Variants in LRRC31 observed in about 807,000 individuals in gnomAD.
LRRC31 encodes leucine rich repeat containing 31, also known as leucine-rich repeat-containing protein 31.
Under a neutral mutation model 46.7 loss-of-function variants are expected in LRRC31, and 35 were observed. The observed-to-expected ratio is 0.75, with a 90% CI of 0.57 to 0.99. The LOEUF is 0.99. LRRC31 is among the 50% of genes least tolerant of loss of function. The probability of loss-of-function intolerance (pLI) is 0.00; values close to 1 mark genes in which losing one functional copy is unlikely to be tolerated. For synonymous variants in LRRC31, 236 were observed against 235.1 expected (o/e 1.00, Z -0.03); for missense variants, 613 against 626.1 (o/e 0.98, Z 0.22).
intron 3 of LRRC31, among the ~76,000 whole-genome samples, chr3:169,858,531 AAAG>A (rs1781040328): frequency 6.6e-6 from 1 of 152,236 alleles, no homozygotes; most frequent in African/African-American, 2.4e-5. Context: ...CAGAATGGAG[AAAG>A]AAGGACTATC....
At chr3:169,865,237 A>G (rs1295265543) in intron 1 of LRRC31, among the ~76,000 whole-genome samples, 1 of 147,638 alleles carries the variant, frequency 6.8e-6, no homozygotes, top group Non-Finnish European at 1.5e-5. Context: ...GCGACAGAGT[A>G]AGGCTCTATC....
At chr3:169,847,989 T>C in intron 8 of LRRC31, 131 bp downstream of exon 8, 1 of 792,712 alleles carries the variant, frequency 1.3e-6, no homozygotes, top group South Asian at 2.0e-5. Context: ...CAGATGTTGG[T>C]GAGAAGGGAA....
In LRRC31 at chr3:169,860,654, G is replaced by A; in HGVS notation, c.394C>T (p.Leu132Phe). Residue 132 changes from leucine (L) to phenylalanine (F), a missense_variant, in exon 3 of 9, where the codon CTT becomes TTT. Leu to Phe is a conservative substitution (Grantham distance 22). Coordinates refer to ENST00000316428, the MANE Select transcript of LRRC31 (RefSeq NM_024727.4). Reference protein sequence around the residue: ...SWNGFVGGTLLSITQQMHLVS... With the variant: ...SWNGFVGGTLFSITQQMHLVS... ...AGATGCATTTGCTGAGTGATGGAAA[G>A]GAGGGTTCCACCTACAAAACCATTC... 6.2e-7 allele frequency: 1 copy of A among 1,614,154 alleles called. No individual in the cohort carries two copies. The highest frequency in any genetic ancestry group is 8.5e-7 in the Non-Finnish European group (1 of 1,180,004).
At chr3:169,852,165 G>A (rs1002698184) in intron 6 of LRRC31, among the ~76,000 whole-genome samples, 2 of 151,702 alleles carry the variant, frequency 1.3e-5, no homozygotes, top group Admixed American at 1.3e-4. Context: ...TTGGGAGGCT[G>A]AGGCGGGTGG....
intron 1 of LRRC31, among the ~76,000 whole-genome samples, chr3:169,865,675 G>C (rs941648921): frequency 6.6e-6 from 1 of 152,192 alleles, no homozygotes; most frequent in Non-Finnish European, 1.5e-5. Context: ...ATGAGAAGTG[G>C]AGGCACGCAG....
rs531114825 is a variant in LRRC31 at position 169,847,049 on chromosome 3, C to T, written c.1327+1071G>A. On this transcript the variant is annotated intron_variant, in intron 8 of 8. Transcript: ENST00000316428. ...ACTGTTCTGGCCCTTCATTGGGAGG[C>T]GCGCTCATTGCTTTGGAATTCCGGC... Among the ~76,000 whole-genome samples the T allele has an allele frequency of 3.2e-3, 489 of 152,220 alleles. 5 individuals carry two copies. The highest frequency in any genetic ancestry group is 5.2e-3 in the Non-Finnish European group (356 of 68,012).
chr3:169,860,564 G>A lies in LRRC31; in HGVS notation c.484C>T (p.Leu162=), dbSNP rs1781120395. The part of the protein sequence containing the change: ...CRLTTDDVQA[L]GEAFEMIPEL... ...TTAAGAAATGCATTCATCATACCCA[G>A]TGCTTGAACATCGTCAGTGGTGAGT... is the stretch of plus-strand genomic sequence containing the variant. The change falls in exon 3 of 9, where the codon CTG becomes TTG. Residue 162 remains leucine (L), a synonymous_variant. Transcript: ENST00000316428. 2 of 1,614,052 alleles carry A rather than the reference G, an allele frequency of 1.2e-6. No individual in the cohort carries two copies. Among genetic ancestry groups the A allele is most frequent in the Non-Finnish European group, 1.7e-6 (2 of 1,179,958 alleles).
intron 6 of LRRC31, among the ~76,000 whole-genome samples, chr3:169,852,115 C>T (rs768048905): frequency 6.6e-6 from 1 of 151,924 alleles, no homozygotes; most frequent in African/African-American, 2.4e-5. Flanking sequence ...TTAGCCCTCT[C>T]GGCAGGGCAC....
intron 2 of LRRC31, 112 bp from the exon 3 acceptor site, chr3:169,860,840 A>T: frequency 9.0e-7 from 1 of 1,115,062 alleles, no homozygotes; most frequent in Non-Finnish European, 1.3e-6. Flanking sequence ...AAGAGAATAG[A>T]CAGTGGTAGG....
At chr3:169,859,089 T>C (rs1781062832) in intron 3 of LRRC31, among the ~76,000 whole-genome samples, 1 of 133,156 alleles carries the variant, frequency 7.5e-6, no homozygotes, top group South Asian at 2.5e-4. Flanking sequence ...ACAAAATAAT[T>C]ACAAAAATTA....
At chr3:169,864,001 A>AGT (rs35795931) in intron 1 of LRRC31, among the ~76,000 whole-genome samples, 49,570 of 148,546 alleles carry the variant, frequency 0.33, 8,110 homozygotes, top group South Asian at 0.44. Flanking sequence ...TCCAAAGCCT[A>AGT]GTGTGTGTGT....
intron 6 of LRRC31, 59 bp from the exon 7 acceptor site, chr3:169,851,845 G>A: frequency 6.4e-7 from 1 of 1,553,884 alleles, no homozygotes; most frequent in Non-Finnish European, 8.8e-7. Context: ...AGTCTTCTGG[G>A]TGTTTGGTTC....
chr3:169,851,502 A>G, intron 7 of LRRC31, 117 bp downstream of exon 7: 1 of 981,762 alleles, frequency 1.0e-6, no homozygotes, highest in Non-Finnish European at 1.5e-6. Flanking sequence ...ATGTCCTGAA[A>G]AGAAGACAAA....
chr3:169,848,006 C>T, intron 8 of LRRC31, 114 bp downstream of exon 8: 1 of 980,680 alleles, frequency 1.0e-6, no homozygotes, highest in South Asian at 1.6e-5. Flanking sequence ...GGAATCTGCA[C>T]AGAGGGCTTC....
chr3:169,860,567 C>T lies in LRRC31; in HGVS notation c.481G>A (p.Ala161Thr). ...SCRLTTDDVQ[A>T]LGEAFEMIPE... is the part of the protein sequence containing the mutation. ...AGAAATGCATTCATCATACCCAGTG[C>T]TTGAACATCGTCAGTGGTGAGTCTG... The change falls in exon 3 of 9, where the codon GCA (alanine) becomes ACA (threonine). Residue 161 changes from alanine (A) to threonine (T), a missense_variant. Transcript: ENST00000316428. 1 of 1,614,040 alleles carries T rather than the reference C, an allele frequency of 6.2e-7. No individual in the cohort carries two copies. Among genetic ancestry groups the T allele is most frequent in the South Asian group, 1.1e-5 (1 of 91,076 alleles).
chr3:169,841,919 C>T (rs1780461955), intron 8 of LRRC31, among the ~76,000 whole-genome samples: 1 of 152,012 alleles, frequency 6.6e-6, no homozygotes, highest in African/African-American at 2.4e-5. Flanking sequence ...GTGGCGGGCA[C>T]CTGTAATCCC....
chr3:169,844,012 G>A (rs1780526275), intron 8 of LRRC31, among the ~76,000 whole-genome samples: 1 of 152,108 alleles, frequency 6.6e-6, no homozygotes, highest in Admixed American at 6.5e-5. Context: ...GGCTTCAGTG[G>A]TGAATTCTGT....
At chr3:169,862,898 G>T (rs147411744) in intron 1 of LRRC31, among the ~76,000 whole-genome samples, 3,057 of 145,868 alleles carry the variant, frequency 0.021, 119 homozygotes, top group African/African-American at 0.073. Context: ...TTTTTTGTTG[G>T]GGGGGATGGA....
rs150835626 is a variant in LRRC31 at position 169,847,321 on chromosome 3, G to C, written c.1327+799C>G. Among the ~76,000 whole-genome samples, 1,488 of 152,300 alleles carry C rather than the reference G, an allele frequency of 9.8e-3. 11 individuals carry two copies. Among genetic ancestry groups the C allele is most frequent in the Non-Finnish European group, 0.013 (854 of 68,028 alleles). On this transcript the variant is annotated intron_variant, in intron 8 of 8. Coordinates refer to ENST00000316428, the MANE Select transcript of LRRC31 (RefSeq NM_024727.4). ...CTGCCTCAGCCTCCCGAGTAGCTGG[G>C]ATTACAGGCATGTGCCACCATGTCC...
Sources: allele counts gnomAD v4.1 joint callset (sites outside exome capture counted in the v4.1 genomes callset), GRCh38; gene constraint gnomAD v4.1.1; transcripts MANE v1.5; gene names NCBI Gene and HGNC (gene_info 2026-07-23, HGNC 2026-07-21).